PECAM1: variants seen among roughly 807,000 people sequenced by gnomAD.
PECAM1 encodes the protein platelet endothelial cell adhesion molecule.
Under a neutral mutation model 13.8 loss-of-function variants are expected in PECAM1, and 8 were observed. The ratio of observed to expected loss-of-function variants is 0.58; its 90% CI spans 0.34 to 1.05. PECAM1 has a LOEUF of 1.05. Among genes scored for constraint, PECAM1 ranks in the 50% least tolerant of loss-of-function variants. The pLI, the probability that PECAM1 is intolerant of heterozygous loss-of-function variation, is 0.03. For synonymous variants in PECAM1, 136 were observed against 52.6 expected, an observed-to-expected ratio of 2.58 and a Z score of -6.86; for missense variants, 304 against 141.2, an observed-to-expected ratio of 2.15 and a Z score of -5.84.
intron 4 of PECAM1, among the ~76,000 whole-genome samples, chr17:64,372,298 C>A (rs2036259355): frequency 6.6e-6 from 1 of 152,040 alleles, no homozygotes; most frequent in African/African-American, 2.4e-5. Context: ...TGTGGGAAAA[C>A]AAACACTAGC....
intron 15 of PECAM1, among the ~76,000 whole-genome samples, chr17:64,328,245 T>A (rs1450987372): frequency 6.6e-6 from 1 of 151,846 alleles, no homozygotes. Flanking sequence ...GACCCAGCCA[T>A]GTTTATCGCT....
At chr17:64,372,660 G>A (rs1377426887) in intron 4 of PECAM1, among the ~76,000 whole-genome samples, 12 of 151,792 alleles carry the variant, frequency 7.9e-5, no homozygotes, top group Non-Finnish European at 1.5e-4. Context: ...CCACCACCAC[G>A]CTTGGCTAAT....
intron 14 of PECAM1, among the ~76,000 whole-genome samples, chr17:64,337,505 C>T (rs60691278): frequency 0.034 from 5,105 of 152,238 alleles, 96 homozygotes; most frequent in East Asian, 0.076. Context: ...CATTTAACCC[C>T]ATTTGCATTT....
At chr17:64,347,708 TTATATATATTATATATTTTATATATA>T (rs1308716291) in intron 13 of PECAM1, among the ~76,000 whole-genome samples, 1 of 143,488 alleles carries the variant, frequency 7.0e-6, no homozygotes, top group African/African-American at 2.6e-5. Flanking sequence ...TATTTATATA[TTATATATATTATATATTTTATATATA>T]TATATATATT....
intron 14 of PECAM1, among the ~76,000 whole-genome samples, chr17:64,333,523 C>T (rs1400007046): frequency 6.6e-5 from 10 of 152,138 alleles, no homozygotes; most frequent in African/African-American, 1.9e-4. Context: ...CCTCTCTCCA[C>T]GAGACGCAGT....
intron 5 of PECAM1, among the ~76,000 whole-genome samples, chr17:64,365,789 G>T (rs1264174472): frequency 1.3e-5 from 2 of 151,440 alleles, no homozygotes; most frequent in Non-Finnish European, 2.9e-5. Context: ...GCTGAAACTG[G>T]ATCCCTTCCT....
intron 13 of PECAM1, among the ~76,000 whole-genome samples, chr17:64,342,161 A>AAAAAG (rs1555648580): frequency 3.4e-5 from 5 of 145,154 alleles, no homozygotes; most frequent in Admixed American, 6.9e-5. Context: ...AAAAAAAAAA[A>AAAAAG]AAGAAGAAGA....
intron 5 of PECAM1, among the ~76,000 whole-genome samples, chr17:64,367,464 C>T (rs1172484252): frequency 2.6e-5 from 4 of 151,100 alleles, no homozygotes; most frequent in Admixed American, 6.6e-5. Context: ...GCAGGAGAAT[C>T]GCTTGAACCC....
chr17:64,359,376 G>A (rs1398687204), intron 7 of PECAM1, among the ~76,000 whole-genome samples: 3 of 152,168 alleles, frequency 2.0e-5, no homozygotes, highest in Non-Finnish European at 2.9e-5. Flanking sequence ...TTTCTCTTGA[G>A]TATGATGAGA....
At chr17:64,333,390 G>A (rs530977767) in intron 14 of PECAM1, among the ~76,000 whole-genome samples, 42 of 152,226 alleles carry the variant, frequency 2.8e-4, no homozygotes, top group African/African-American at 9.9e-4. Flanking sequence ...GGAGTTGCAG[G>A]AGGTGAATTC....
At chr17:64,359,701 C>T (rs1378726309) in intron 7 of PECAM1, among the ~76,000 whole-genome samples, 3 of 147,680 alleles carry the variant, frequency 2.0e-5, no homozygotes, top group Admixed American at 6.8e-5. Flanking sequence ...AACCTTGGCC[C>T]TGCTTTGGTG....
chr17:64,334,749 C>T (rs1041737279), intron 14 of PECAM1, among the ~76,000 whole-genome samples: 2,488 of 152,216 alleles, frequency 0.016, 62 homozygotes, highest in African/African-American at 0.056. Flanking sequence ...CCTCATGATC[C>T]GCCCGCCTTA....
Position 64,373,053 on chromosome 17 carries a change from G to A in PECAM1, c.691+1998C>T, listed in dbSNP as rs2036276969. ...CTTGAACCCGGGAGGCGGAGGTTGCGGTGAGCTGAGATTGCGCCACTGTAC... is the reference window on the plus strand; with the variant it reads ...CTTGAACCCGGGAGGCGGAGGTTGCAGTGAGCTGAGATTGCGCCACTGTAC... On this transcript the variant is annotated intron_variant, in intron 4 of 15. Transcript: ENST00000563924. Among the ~76,000 whole-genome samples, 7 of 151,308 alleles carry A rather than the reference G, an allele frequency of 4.6e-5. No homozygotes were observed. In the South Asian group the frequency reaches 1.0e-3, roughly 22 times the overall value.
chr17:64,360,814 ATGTGTGTGTGTGTG>A (rs144008571), intron 6 of PECAM1, among the ~76,000 whole-genome samples: 2 of 141,332 alleles, frequency 1.4e-5, no homozygotes, highest in Admixed American at 7.1e-5. Flanking sequence ...AGCCAACAAA[ATGTGTGTGTGTGTG>A]TGTGTGTGTG....
At chr17:64,334,450 CA>C (rs1184922922) in intron 14 of PECAM1, among the ~76,000 whole-genome samples, 1 of 152,134 alleles carries the variant, frequency 6.6e-6, no homozygotes, top group East Asian at 1.9e-4. Flanking sequence ...GAAAGGTCAG[CA>C]AAGACTCCGC....
In PECAM1 at chr17:64,322,658, C is replaced by G. The variant is rs1237217980; in HGVS notation, c.*1158G>C. 3.0e-6 allele frequency: 3 copies of G among 985,306 alleles called. No individual in the cohort carries two copies. Among genetic ancestry groups the G allele is most frequent in the South Asian group, 4.7e-5 (1 of 21,296 alleles). The allele number at this position is 985,306 out of a possible 1,614,324, so 61.0% of individuals were successfully genotyped here. ...GACAGCAGCCTCTCTCCCACCCACTCAAGACACTGTCAGGAATGTCTTAAG... is the reference window on the plus strand; with the variant it reads ...GACAGCAGCCTCTCTCCCACCCACTGAAGACACTGTCAGGAATGTCTTAAG... On this transcript the variant is annotated 3_prime_UTR_variant, in exon 16 of 16. Transcript: ENST00000563924.
intron 15 of PECAM1, 90 bp downstream of exon 15, chr17:64,329,610 C>T (rs1453717482): frequency 3.5e-5 from 25 of 711,282 alleles, no homozygotes; most frequent in African/African-American, 3.3e-4. Flanking sequence ...GGGAAGAATT[C>T]ATGTGAATGC....
chr17:64,376,370 CT>C (rs1415090319), intron 3 of PECAM1, among the ~76,000 whole-genome samples: 2 of 151,842 alleles, frequency 1.3e-5, no homozygotes, highest in Non-Finnish European at 2.9e-5. Flanking sequence ...TCAAGATGTA[CT>C]TGGTGTTTTC....
rs1555644913 is a variant in PECAM1 at position 64,323,490 on chromosome 17, T to C, written c.*326A>G. 2.3e-6 allele frequency: 3 copies of C among 1,291,626 alleles called. 1 individual carries two copies. Among genetic ancestry groups the C allele is most frequent in the East Asian group, 7.4e-5 (2 of 26,904 alleles). The allele number at this position is 1,291,626 out of a possible 1,614,324, so 80.0% of individuals were successfully genotyped here. On this transcript the variant is annotated 3_prime_UTR_variant, in exon 16 of 16. Transcript: ENST00000563924. ...GGTGCATGGAAAAGGTCTTTATCTC[T>C]GCACAAAACAAAATATTCAAGTTTC...
Sources: allele counts gnomAD v4.1 joint callset (sites outside exome capture counted in the v4.1 genomes callset), GRCh38; gene constraint gnomAD v4.1.1; transcripts MANE v1.5; gene names NCBI Gene and HGNC (gene_info 2026-07-23, HGNC 2026-07-21).